SETMAR: variants seen among roughly 807,000 people sequenced by gnomAD.
SETMAR encodes the protein histone-lysine N-methyltransferase SETMAR.
SETMAR carries 44 observed loss-of-function variants against 58.4 expected under a neutral mutation model. That is an observed-to-expected ratio of 0.75 (90% confidence interval 0.59 to 0.97). SETMAR has a LOEUF of 0.97. SETMAR is among the 50% of genes least tolerant of loss of function. The probability of loss-of-function intolerance (pLI) is 0.00; values close to 1 mark genes in which losing one functional copy is unlikely to be tolerated. For synonymous variants in SETMAR, 332 were observed against 307.4 expected, an observed-to-expected ratio of 1.08 and a Z score of -0.84; for missense variants, 903 against 840.2, an observed-to-expected ratio of 1.07 and a Z score of -0.92.
intron 1 of SETMAR, among the ~76,000 whole-genome samples, chr3:4,305,129 C>G (rs1278490200): frequency 1.3e-5 from 2 of 152,088 alleles, no homozygotes; most frequent in Non-Finnish European, 2.9e-5. Flanking sequence ...ACTCCATCAC[C>G]CAGGCTAGAG....
chr3:4,310,178 T>C (rs908020954), intron 1 of SETMAR, among the ~76,000 whole-genome samples: 1 of 152,188 alleles, frequency 6.6e-6, no homozygotes, highest in Non-Finnish European at 1.5e-5. Context: ...CAAAAAGTCA[T>C]TATGCAGCAC....
chr3:4,303,884 G>T, intron 1 of SETMAR: 1 of 1,271,836 alleles, frequency 7.9e-7, no homozygotes, highest in Non-Finnish European at 1.0e-6. Context: ...ATAAGCCGTG[G>T]GGCCTATTAA....
intron 1 of SETMAR, 108 bp downstream of exon 1, chr3:4,303,634 C>T (rs982248422): frequency 6.3e-6 from 9 of 1,418,542 alleles, no homozygotes; most frequent in Non-Finnish European, 6.4e-6. Context: ...TTTGTCTTCT[C>T]TTACAGCGCA....
rs573824448 is a variant in SETMAR, at chr3:4,316,501, A to C, written c.1310A>C (p.Asn437Thr). Residue 437 changes from asparagine to threonine, a missense_variant, in exon 3 of 3, where the codon AAT (asparagine) becomes ACT (threonine). Transcript: ENST00000358065. ...ACACGAGAAGTTGCTGAAGAACTCA[A>C]TGTCAACCATTCTACGGTCGTTCGA... The part of the protein sequence containing the change: ...TTTREVAEEL[N>T]VNHSTVVRHL... 6.3e-7 allele frequency: 1 copy of C among 1,598,532 alleles called. No homozygotes were observed. Among genetic ancestry groups the C allele is most frequent in the South Asian group, 1.1e-5 (1 of 87,978 alleles).
chr3:4,317,256 G>A lies in SETMAR; in HGVS notation c.*10G>A, dbSNP rs1008689221. On this transcript the variant is annotated 3_prime_UTR_variant, in exon 3 of 3. Coordinates refer to ENST00000358065, the MANE Select transcript of SETMAR (RefSeq NM_006515.4). ...TTCCTATTTTGATTAATAAAAATGCGTTGAGCCTAGTTATAATGATTTAAA... is the reference window on the plus strand; with the variant it reads ...TTCCTATTTTGATTAATAAAAATGCATTGAGCCTAGTTATAATGATTTAAA... 2.5e-5 allele frequency: 37 copies of A among 1,505,902 alleles called. No homozygotes were observed. Among genetic ancestry groups the A allele is most frequent in the Admixed American group, 1.2e-4 (6 of 49,488 alleles). The allele number at this position is 1,505,902 out of a possible 1,614,324, so 93.3% of individuals were successfully genotyped here.
intron 1 of SETMAR, 83 bp downstream of exon 1, chr3:4,303,609 T>C (rs1698044975): frequency 1.5e-6 from 2 of 1,377,062 alleles, no homozygotes; most frequent in Non-Finnish European, 1.9e-6. Context: ...TGGGACGGCC[T>C]CCCAGTCGCG....
Position 4,303,440 on chromosome 3 carries a change from CCGACTGAGCAGCTGGATGTCG to C in SETMAR, c.73_93del (p.Thr25_Ala31del). 6.4e-7 allele frequency: 1 copy of C among 1,551,008 alleles called. No individual in the cohort carries two copies. The highest frequency in any genetic ancestry group is 8.7e-7 in the Non-Finnish European group (1 of 1,153,912). ...GGAGTTTAAGGAGAAGCCTGAGGCC[CCGACTGAGCAGCTGGATGTCG>C]CGTGCGGCCAGGAAAACTTGCCGGT... On this transcript the variant is annotated inframe_deletion, in exon 1 of 3. Coordinates refer to ENST00000358065, the MANE Select transcript of SETMAR (RefSeq NM_006515.4).
chr3:4,314,246 A>G (rs1352292258), intron 2 of SETMAR: 1 of 159,336 alleles, frequency 6.3e-6, no homozygotes, highest in East Asian at 1.9e-4. Context: ...CAGGTGAGAA[A>G]TAGTCTCTCC....
Position 4,303,450 on chromosome 3 carries a change from A to G in SETMAR, c.80A>G (p.Gln27Arg). Residue 27 changes from glutamine to arginine, a missense_variant, in exon 1 of 3, where the codon CAG (glutamine) becomes CGG (arginine). Physicochemically the swap from Gln to Arg is conservative, Grantham distance 43. Coordinates refer to ENST00000358065, the MANE Select transcript of SETMAR (RefSeq NM_006515.4). ...FKEKPEAPTE[Q>R]LDVACGQENL... ...GAGAAGCCTGAGGCCCCGACTGAGC[A>G]GCTGGATGTCGCGTGCGGCCAGGAA... is the stretch of plus-strand genomic sequence containing the variant. The G allele has an allele frequency of 1.3e-6, 2 of 1,542,594 alleles. No homozygotes were observed. The highest frequency in any genetic ancestry group is 2.9e-5 in the African/African-American group (2 of 70,120).
intron 1 of SETMAR, 152 bp downstream of exon 1, chr3:4,303,678 C>T (rs943809752): frequency 4.0e-5 from 60 of 1,490,434 alleles, no homozygotes; most frequent in African/African-American, 3.1e-4. Flanking sequence ...GTGCATGCCC[C>T]GGCCTGGGCC....
At chr3:4,303,700 A>G in intron 1 of SETMAR, 174 bp downstream of exon 1, 1 of 1,500,860 alleles carries the variant, frequency 6.7e-7, no homozygotes, top group East Asian at 2.7e-5. Flanking sequence ...TTTTCTGTTG[A>G]CCCACGGCAT....
chr3:4,303,602 G>C lies in SETMAR; in HGVS notation c.156+76G>C, dbSNP rs1032312517. 10 of 1,375,284 alleles carry C rather than the reference G, an allele frequency of 7.3e-6. No homozygotes were observed. The African/African-American group carries it at 1.4e-4, about 19-fold the overall frequency. The allele number at this position is 1,375,284 out of a possible 1,614,324, so 85.2% of individuals were successfully genotyped here. On this transcript the variant is annotated intron_variant, in intron 1 of 2. Coordinates refer to ENST00000358065, the MANE Select transcript of SETMAR (RefSeq NM_006515.4). ...TGGTCTCCTCAAGCCGCCTCGCTGG[G>C]ACGGCCTCCCAGTCGCGACCTTTTG... is the stretch of plus-strand genomic sequence containing the variant.
chr3:4,312,769 G>T, intron 1 of SETMAR, 129 bp from the exon 2 acceptor site: 1 of 1,049,068 alleles, frequency 9.5e-7, no homozygotes. Context: ...TTAGTATGCT[G>T]TGTTTTGACA....
At chr3:4,310,884 C>G (rs1323381108) in intron 1 of SETMAR, among the ~76,000 whole-genome samples, 2 of 152,070 alleles carry the variant, frequency 1.3e-5, no homozygotes, top group African/African-American at 4.8e-5. Context: ...ACAAAGAGAT[C>G]TTCATTTTAC....
At chr3:4,316,083 A>G (rs1430391681) in intron 2 of SETMAR, 129 bp from the exon 3 acceptor site, 1 of 507,970 alleles carries the variant, frequency 2.0e-6, no homozygotes, top group African/African-American at 2.0e-5. Flanking sequence ...CAGTTTTTGC[A>G]TTGTTGGAAT....
Position 4,316,454 on chromosome 3 carries a change from C to T in SETMAR, c.1263C>T (p.Ile421=), listed in dbSNP as rs149611890. Residue 421 remains isoleucine (I), a synonymous_variant, in exon 3 of 3, where the codon ATC becomes ATT. Coordinates refer to ENST00000358065, the MANE Select transcript of SETMAR (RefSeq NM_006515.4). ...EVDNDQLRAI[I]EADPLTTTRE... is the part of the protein sequence containing the mutation. ...ACAACGACCAGTTGAGAGCAATCAT[C>T]GAAGCTGATCCCCTTACAACTACAC... is the stretch of plus-strand genomic sequence containing the variant. 2.1e-3 allele frequency: 3,300 copies of T among 1,602,954 alleles called. 12 individuals carry two copies. The highest frequency in any genetic ancestry group is 7.8e-3 in the Middle Eastern group (46 of 5,874).
chr3:4,309,168 G>A (rs190365569), intron 1 of SETMAR, among the ~76,000 whole-genome samples: 305 of 152,298 alleles, frequency 2.0e-3, no homozygotes, highest in Non-Finnish European at 3.9e-3. Context: ...TTATCATGCA[G>A]GTGAAGCCTC....
At position 4,313,102 on chromosome 3, in the gene SETMAR, C is replaced by T; in HGVS notation, c.361C>T (p.Leu121=). The T allele has an allele frequency of 6.2e-7, 1 of 1,614,002 alleles. No individual in the cohort carries two copies. Among genetic ancestry groups the T allele is most frequent in the African/African-American group, 1.3e-5 (1 of 75,034 alleles). ...AGAGCCTGTTTTTGAATGCAATGTC[C>T]TGTGCCGATGCAGTGACCACTGCAG... The part of the protein sequence containing the change: ...YAEPVFECNV[L]CRCSDHCRNR... The change falls in exon 2 of 3, where the codon CTG becomes TTG. Residue 121 remains leucine (L), a synonymous_variant. Transcript: ENST00000358065.
chr3:4,316,090 G>A, intron 2 of SETMAR, 122 bp from the exon 3 acceptor site: 1 of 530,582 alleles, frequency 1.9e-6, no homozygotes, highest in Non-Finnish European at 3.3e-6. Flanking sequence ...TGCATTGTTG[G>A]AATTTGGTAT....
Sources: gnomAD v4.1 joint callset for allele counts (sites outside exome capture counted in the v4.1 genomes callset) on GRCh38, gnomAD v4.1.1 for gene constraint, MANE v1.5 for transcripts, NCBI Gene and HGNC (gene_info 2026-07-23, HGNC 2026-07-21) for gene names.